GRIN2A: variants seen among roughly 807,000 people sequenced by gnomAD.
GRIN2A encodes glutamate receptor ionotropic, NMDA 2A.
GRIN2A carries 22 observed loss-of-function variants against 113.4 expected under a neutral mutation model. The observed-to-expected ratio is 0.19, with a 90% CI of 0.14 to 0.28. The LOEUF is 0.28. Among genes scored for constraint, GRIN2A ranks in the 10% least tolerant of loss-of-function variants. GRIN2A has a pLI of 1.00. For missense variants in GRIN2A, 1,502 were observed against 1,887.0 expected, an observed-to-expected ratio of 0.80 and a Z score of 3.78; for synonymous variants, 827 against 738.4, an observed-to-expected ratio of 1.12 and a Z score of -1.94.
chr16:9,914,218 T>A (rs2044198205), intron 3 of GRIN2A, among the ~76,000 whole-genome samples: 1 of 152,130 alleles, frequency 6.6e-6, no homozygotes, highest in African/African-American at 2.4e-5. Context: ...CAAATCTTAG[T>A]ATTTCTTTCC....
At chr16:10,063,562 A>C (rs59264337) in intron 2 of GRIN2A, among the ~76,000 whole-genome samples, 1 of 152,154 alleles carries the variant, frequency 6.6e-6, no homozygotes, top group African/African-American at 2.4e-5. Context: ...TAAGCCATTG[A>C]TAATCTGGAT....
At chr16:9,971,597 A>C (rs887630966) in intron 2 of GRIN2A, among the ~76,000 whole-genome samples, 3 of 152,244 alleles carry the variant, frequency 2.0e-5, no homozygotes, top group African/African-American at 7.2e-5. Context: ...AAAACTGCCA[A>C]TGTCGGGTAA....
intron 2 of GRIN2A, among the ~76,000 whole-genome samples, chr16:10,104,336 G>T (rs77488268): frequency 0.027 from 4,058 of 152,256 alleles, 79 homozygotes; most frequent in Middle Eastern, 0.048. Context: ...AGGGCGAGGG[G>T]TGTGAGGGAA....
chr16:9,831,101 A>T (rs2042484022), intron 8 of GRIN2A, among the ~76,000 whole-genome samples: 1 of 152,204 alleles, frequency 6.6e-6, no homozygotes, highest in South Asian at 2.1e-4. Context: ...TGTACAAAGA[A>T]ACAAGTAGCT....
At chr16:10,099,062 A>G (rs1251674109) in intron 2 of GRIN2A, among the ~76,000 whole-genome samples, 2 of 152,226 alleles carry the variant, frequency 1.3e-5, no homozygotes, top group Admixed American at 6.5e-5. Flanking sequence ...AAAATGCTCA[A>G]AAAAACCACT....
intron 11 of GRIN2A, among the ~76,000 whole-genome samples, chr16:9,784,322 C>T (rs978797126): frequency 2.6e-5 from 4 of 151,640 alleles, no homozygotes; most frequent in South Asian, 2.1e-4. Flanking sequence ...CCCAGCTACT[C>T]GGGAGGCTAA....
At chr16:10,008,095 G>T (rs2046436893) in intron 2 of GRIN2A, among the ~76,000 whole-genome samples, 1 of 152,072 alleles carries the variant, frequency 6.6e-6, no homozygotes, top group African/African-American at 2.4e-5. Context: ...TGAACATCTT[G>T]GGGGGAAGTA....
intron 4 of GRIN2A, among the ~76,000 whole-genome samples, chr16:9,866,531 T>G (rs190151389): frequency 3.9e-5 from 6 of 152,300 alleles, no homozygotes; most frequent in Admixed American, 2.0e-4. Context: ...AATCCCTTTG[T>G]GCACATTGGA....
At chr16:10,151,618 T>G (rs905284537) in intron 2 of GRIN2A, among the ~76,000 whole-genome samples, 38 of 152,348 alleles carry the variant, frequency 2.5e-4, no homozygotes, top group Admixed American at 7.2e-4. Flanking sequence ...ATTCAATTTT[T>G]GCATCCTTCA....
chr16:9,882,846 A>G lies in GRIN2A; in HGVS notation c.1122+8140T>C, dbSNP rs568141318. Among the ~76,000 whole-genome samples the G allele has an allele frequency of 3.9e-5, 6 of 152,282 alleles. 1 individual carries two copies. The South Asian group carries it at 1.2e-3, about 32-fold the overall frequency. On this transcript the variant is annotated intron_variant, in intron 4 of 12. Transcript: ENST00000330684. ...AATAAATGCCTATACCCTGAGTTCT[A>G]ATTAGCTGGTTTCAGGTAGAATCAA...
At chr16:9,865,175 C>T (rs77682650) in intron 4 of GRIN2A, among the ~76,000 whole-genome samples, 2,050 of 152,232 alleles carry the variant, frequency 0.013, 38 homozygotes, top group South Asian at 0.046. Flanking sequence ...ATAAGCTTAA[C>T]GACAGCTTTG....
chr16:10,053,056 A>G (rs1344389523), intron 2 of GRIN2A, among the ~76,000 whole-genome samples: 3 of 151,958 alleles, frequency 2.0e-5, no homozygotes, highest in Non-Finnish European at 2.9e-5. Flanking sequence ...TCAAAAAAAA[A>G]AAAAAAATAC....
At chr16:9,965,046 C>G (rs959780743) in intron 2 of GRIN2A, among the ~76,000 whole-genome samples, 1 of 152,080 alleles carries the variant, frequency 6.6e-6, no homozygotes, top group African/African-American at 2.4e-5. Flanking sequence ...AAATATAAAC[C>G]AAGTTAGGTG....
intron 3 of GRIN2A, among the ~76,000 whole-genome samples, chr16:9,927,633 T>A (rs2044493846): frequency 6.6e-6 from 1 of 152,188 alleles, no homozygotes; most frequent in South Asian, 2.1e-4. Flanking sequence ...CATCTAAGGA[T>A]GAAAGATAAT....
chr16:9,759,442 G>A lies in GRIN2A; in HGVS notation c.*3707C>T, dbSNP rs1053266359. 1 of 225,494 alleles carries A rather than the reference G, an allele frequency of 4.4e-6. No individual in the cohort carries two copies. The highest frequency in any genetic ancestry group is 2.2e-5 in the African/African-American group (1 of 44,914). 14.0% of individuals were successfully genotyped at this position (225,494 alleles called of 1,614,324 possible). ...AATGTGTGACTATATGACAGCTGTG[G>A]ATCTTTTGACTAATTAACTGCCTTG... On this transcript the variant is annotated 3_prime_UTR_variant, in exon 13 of 13. Coordinates refer to ENST00000330684, the MANE Select transcript of GRIN2A (RefSeq NM_001134407.3).
At chr16:10,070,836 C>T (rs1033348920) in intron 2 of GRIN2A, among the ~76,000 whole-genome samples, 2 of 152,202 alleles carry the variant, frequency 1.3e-5, no homozygotes, top group African/African-American at 4.8e-5. Flanking sequence ...AAGACATGTT[C>T]CAAGTACCCT....
chr16:9,797,941 GA>G (rs1903102284), intron 11 of GRIN2A, among the ~76,000 whole-genome samples: 2 of 152,100 alleles, frequency 1.3e-5, no homozygotes, highest in Non-Finnish European at 2.9e-5. Context: ...TTCACCCTTT[GA>G]GAACCACTGC....
chr16:10,054,503 G>T lies in GRIN2A; in HGVS notation c.415-115952C>A, dbSNP rs561835812. 2.0e-5 allele frequency among the ~76,000 whole-genome samples: 3 copies of T among 152,268 alleles called. No individual in the cohort carries two copies. The South Asian group carries it at 6.2e-4, about 32-fold the overall frequency. The stretch of plus-strand genomic sequence containing the variant: ...CAAATTGGCAATCTCTGGTGATGTT[G>T]AAGATGCCCACATCCTATGACCCAG... On this transcript the variant is annotated intron_variant, in intron 2 of 12. Coordinates refer to ENST00000330684, the MANE Select transcript of GRIN2A (RefSeq NM_001134407.3).
At chr16:9,841,573 G>C (rs1224244665) in intron 5 of GRIN2A, among the ~76,000 whole-genome samples, 2 of 152,162 alleles carry the variant, frequency 1.3e-5, no homozygotes, top group African/African-American at 2.4e-5. Flanking sequence ...GCAAGGTTTT[G>C]CTTCATTCTA....
Sources: gnomAD v4.1 joint callset for allele counts (sites outside exome capture counted in the v4.1 genomes callset) on GRCh38, gnomAD v4.1.1 for gene constraint, MANE v1.5 for transcripts, NCBI Gene and HGNC (gene_info 2026-07-23, HGNC 2026-07-21) for gene names.